BFSP1: variants seen among roughly 807,000 people sequenced by gnomAD.
BFSP1 encodes the protein filensin.
BFSP1 carries 38 observed loss-of-function variants against 43.9 expected under a neutral mutation model. The ratio of observed to expected loss-of-function variants is 0.87; its 90% confidence interval spans 0.67 to 1.14. The LOEUF (loss-of-function observed/expected upper bound fraction) is 1.14. Among genes scored for constraint, BFSP1 ranks in the 50% most tolerant of loss-of-function variants. The probability of loss-of-function intolerance (pLI) is 0.00; values close to 1 mark genes in which losing one functional copy is unlikely to be tolerated. For synonymous variants in BFSP1, 352 were observed against 354.8 expected, an observed-to-expected ratio of 0.99 and a Z score of 0.09; for missense variants, 850 against 875.1, an observed-to-expected ratio of 0.97 and a Z score of 0.36.
rs115156464 is a variant in BFSP1, at chr20:17,521,335, G to A, written c.438+3513C>T. ...GCTCTTTCCGTAGGCTTGATTACACGGGCAGCATGAAGAAATGCATGGTGG... is the reference window on the plus strand; with the variant it reads ...GCTCTTTCCGTAGGCTTGATTACACAGGCAGCATGAAGAAATGCATGGTGG... On this transcript the variant is annotated intron_variant, in intron 2 of 7. Transcript: ENST00000377873. Among the ~76,000 whole-genome samples, 590 of 152,294 alleles carry A rather than the reference G, an allele frequency of 3.9e-3. 2 individuals are homozygous for A. Among genetic ancestry groups the A allele is most frequent in the African/African-American group, 0.013 (556 of 41,554 alleles).
chr20:17,521,291 G>C (rs1049978896), intron 2 of BFSP1, among the ~76,000 whole-genome samples: 2 of 152,162 alleles, frequency 1.3e-5, no homozygotes, highest in Non-Finnish European at 2.9e-5. Context: ...TAATTTATCT[G>C]GCTGATAAAA....
intron 5 of BFSP1, among the ~76,000 whole-genome samples, chr20:17,505,487 C>A (rs922616117): frequency 2.0e-5 from 3 of 152,248 alleles, no homozygotes; most frequent in African/African-American, 4.8e-5. Flanking sequence ...CCCGCTGCCA[C>A]GGCCCTGGTG....
In BFSP1 at chr20:17,541,558, A is replaced by G. The variant is rs1244760545; in HGVS notation, c.3-16650T>C. Among the ~76,000 whole-genome samples, 7 of 152,372 alleles carry G rather than the reference A, an allele frequency of 4.6e-5. No individual in the cohort carries two copies. The South Asian group carries it at 1.4e-3, about 32-fold the overall frequency. On this transcript the variant is annotated intron_variant, in intron 1 of 7. Transcript: ENST00000377868. ...GAGAACAGTGCACCAGTCAGCAGAA[A>G]GACTATAGTTATAAGACACATGAAA...
At chr20:17,521,940 C>T (rs61482037) in intron 2 of BFSP1, among the ~76,000 whole-genome samples, 13 of 152,188 alleles carry the variant, frequency 8.5e-5, no homozygotes, top group Non-Finnish European at 1.8e-4. Context: ...TCCACAGCAA[C>T]TGAGGGTTGT....
chr20:17,529,413 T>G (rs1242520119), intron 1 of BFSP1, among the ~76,000 whole-genome samples: 1 of 152,094 alleles, frequency 6.6e-6, no homozygotes, highest in Non-Finnish European at 1.5e-5. Flanking sequence ...TAAAAAGATG[T>G]TCTGTTAAAA....
chr20:17,539,105 CTTTTTT>C (rs1156875265), intron 1 of BFSP1, among the ~76,000 whole-genome samples: 3 of 63,556 alleles, frequency 4.7e-5, no homozygotes, highest in East Asian at 5.1e-4. Context: ...ATTTCTTCTT[CTTTTTT>C]TTTTTTTTTT....
At chr20:17,568,459 AG>A (rs10707648) in intron 1 of BFSP1, among the ~76,000 whole-genome samples, 71,372 of 151,856 alleles carry the variant, frequency 0.47, 20,806 homozygotes, top group Non-Finnish European at 0.64. Flanking sequence ...AGGAGGATAC[AG>A]GGGGGTTCCT....
intron 1 of BFSP1, among the ~76,000 whole-genome samples, chr20:17,542,576 G>T (rs1352892048): frequency 6.6e-6 from 1 of 152,064 alleles, no homozygotes; most frequent in Admixed American, 6.5e-5. Flanking sequence ...GCCTGCTCTG[G>T]TGACAAAGTG....
At chr20:17,560,818 G>A (rs2035060531), upstream of BFSP1, 1 of 152,164 alleles carries the variant, frequency 6.6e-6, no homozygotes, top group African/African-American at 2.4e-5. Context: ...GGGGAAAAAT[G>A]AGTCCCAACC....
At chr20:17,520,448 A>G (rs1391083887) in intron 2 of BFSP1, among the ~76,000 whole-genome samples, 1 of 152,208 alleles carries the variant, frequency 6.6e-6, no homozygotes, top group Non-Finnish European at 1.5e-5. Context: ...TTAAAACCCA[A>G]CTGCTAAAGA....
upstream of BFSP1, among the ~76,000 whole-genome samples, chr20:17,559,579 C>G (rs1359299876): frequency 6.6e-6 from 1 of 152,196 alleles, no homozygotes; most frequent in African/African-American, 2.4e-5. Context: ...GTCCCCACCC[C>G]TGGGCCATGA....
chr20:17,541,792 G>C (rs1490911400), intron 1 of BFSP1, among the ~76,000 whole-genome samples: 2 of 152,202 alleles, frequency 1.3e-5, no homozygotes, highest in Non-Finnish European at 2.9e-5. Context: ...GTCAGCCTTT[G>C]CTGAACATAG....
At chr20:17,528,086 T>C (rs2034459771) in intron 1 of BFSP1, among the ~76,000 whole-genome samples, 1 of 152,200 alleles carries the variant, frequency 6.6e-6, no homozygotes. Context: ...TGGCTTTAGG[T>C]AGCCATCAAC....
intron 3 of BFSP1, among the ~76,000 whole-genome samples, chr20:17,514,095 G>A (rs909737173): frequency 6.6e-5 from 10 of 152,228 alleles, no homozygotes; most frequent in African/African-American, 2.4e-4. Context: ...CCCCTGGAGA[G>A]GGAAGCCCTG....
intron 3 of BFSP1, among the ~76,000 whole-genome samples, chr20:17,513,369 G>C (rs1367808529): frequency 6.6e-6 from 1 of 152,174 alleles, no homozygotes; most frequent in Non-Finnish European, 1.5e-5. Context: ...CTACAGGGAA[G>C]CCTCACAGTG....
At chr20:17,501,160 CT>C (rs2033789360) in intron 5 of BFSP1, among the ~76,000 whole-genome samples, 1 of 152,222 alleles carries the variant, frequency 6.6e-6, no homozygotes, top group African/African-American at 2.4e-5. Flanking sequence ...CTAAATGTAC[CT>C]ACTGGACACC....
chr20:17,548,051 T>C (rs1188731294), intron 1 of BFSP1, among the ~76,000 whole-genome samples: 3 of 151,310 alleles, frequency 2.0e-5, no homozygotes, highest in African/African-American at 7.3e-5. Context: ...ACCCAGCCAA[T>C]AGAGGCATTT....
At chr20:17,522,167 G>C (rs573951826) in intron 2 of BFSP1, among the ~76,000 whole-genome samples, 3 of 152,076 alleles carry the variant, frequency 2.0e-5, no homozygotes, top group African/African-American at 7.2e-5. Context: ...GAGTAATACC[G>C]GTTCCCTGAC....
upstream of BFSP1, among the ~76,000 whole-genome samples, chr20:17,563,882 G>A (rs1202627003): frequency 8.9e-6 from 1 of 112,722 alleles, no homozygotes; most frequent in Non-Finnish European, 1.7e-5. Flanking sequence ...GCGAGACCGT[G>A]TCTAAAAAAA....
Sources: gnomAD v4.1 joint callset for allele counts (sites outside exome capture counted in the v4.1 genomes callset) on GRCh38, gnomAD v4.1.1 for gene constraint, MANE v1.5 for transcripts, NCBI Gene and HGNC (gene_info 2026-07-23, HGNC 2026-07-21) for gene names.